Variants in ST14 observed in about 807,000 individuals in gnomAD.
ST14 encodes the protein ST14 transmembrane serine protease matriptase, also known as suppressor of tumorigenicity 14 protein.
Under a neutral mutation model 96.5 loss-of-function variants are expected in ST14, and 40 were observed. The ratio of observed to expected loss-of-function variants is 0.41; its 90% CI spans 0.32 to 0.54. The LOEUF is 0.54. ST14 is among the 20% of genes least tolerant of loss of function. The pLI, the probability that ST14 is intolerant of heterozygous loss-of-function variation, is 0.17. For synonymous variants in ST14, 506 were observed against 492.1 expected (o/e 1.03, Z -0.37); for missense variants, 1,066 against 1,188.9 (o/e 0.90, Z 1.52).
At position 130,190,742 on chromosome 11, in the gene ST14, C is replaced by T. The variant is rs765356855; in HGVS notation, c.875+48C>T. On this transcript the variant is annotated intron_variant, in intron 7 of 18. Coordinates refer to ENST00000278742, the MANE Select transcript of ST14 (RefSeq NM_021978.4). Reference sequence around the variant, plus strand: ...AGGGCTGTGGGAGCTTGGCGGCTGCCCTGTAGGGGGCCAGCTTCTTCAACG... The same window carrying T: ...AGGGCTGTGGGAGCTTGGCGGCTGCTCTGTAGGGGGCCAGCTTCTTCAACG... 9.2e-6 allele frequency: 14 copies of T among 1,524,516 alleles called. 1 individual carries two copies. The South Asian group carries it at 1.1e-4, about 12-fold the overall frequency. 94.4% of individuals were successfully genotyped at this position (1,524,516 alleles called of 1,614,324 possible). A position where few individuals can be genotyped will look rare whatever the true frequency, so the allele number is the denominator to read the frequency against.
intron 1 of ST14, among the ~76,000 whole-genome samples, chr11:130,171,948 T>C (rs1163193335): frequency 3.3e-5 from 5 of 152,202 alleles, no homozygotes; most frequent in African/African-American, 1.2e-4. Context: ...TGCCCTGGCC[T>C]GGGCAGTCTG....
intron 1 of ST14, among the ~76,000 whole-genome samples, chr11:130,182,897 A>C (rs941345219): frequency 7.7e-4 from 113 of 147,530 alleles, no homozygotes; most frequent in Non-Finnish European, 1.3e-3. Context: ...TGATCCACCC[A>C]CCTTGGCCTC....
At chr11:130,196,272 T>C (rs1226633523) in intron 9 of ST14, 67 bp from the exon 10 acceptor site, 1 of 1,312,254 alleles carries the variant, frequency 7.6e-7, no homozygotes, top group Admixed American at 2.0e-5. Context: ...CTGCCTCCCT[T>C]TGACGTCCTC....
chr11:130,194,374 C>T (rs1315557402), intron 8 of ST14, 86 bp downstream of exon 8: 74 of 1,564,942 alleles, frequency 4.7e-5, no homozygotes, highest in Non-Finnish European at 6.4e-5. Flanking sequence ...GCTTAGGAGG[C>T]CACAGGCTAG....
intron 1 of ST14, among the ~76,000 whole-genome samples, chr11:130,186,992 A>G (rs965233626): frequency 1.3e-5 from 2 of 152,200 alleles, no homozygotes; most frequent in Non-Finnish European, 2.9e-5. Context: ...GTAAGGCAGG[A>G]GTGAGGAGAA....
At chr11:130,173,562 C>G (rs1224300918) in intron 1 of ST14, among the ~76,000 whole-genome samples, 1 of 151,030 alleles carries the variant, frequency 6.6e-6, no homozygotes, top group Non-Finnish European at 1.5e-5. Context: ...TGCCACTGCA[C>G]TCCAGACTGC....
intron 1 of ST14, among the ~76,000 whole-genome samples, chr11:130,173,034 C>T (rs925404091): frequency 6.6e-6 from 1 of 152,130 alleles, no homozygotes; most frequent in Admixed American, 6.5e-5. Flanking sequence ...CGTCACCACG[C>T]GAGTGGTCAG....
chr11:130,208,036 C>CTT (rs1953506768), intron 16 of ST14, among the ~76,000 whole-genome samples: 1 of 151,870 alleles, frequency 6.6e-6, no homozygotes, highest in Admixed American at 6.6e-5. Flanking sequence ...ATGCCACCAC[C>CTT]GCACTCCAGT....
intron 1 of ST14, among the ~76,000 whole-genome samples, chr11:130,167,997 G>A (rs1430548983): frequency 2.6e-5 from 4 of 152,218 alleles, no homozygotes; most frequent in Non-Finnish European, 5.9e-5. Flanking sequence ...TTGCAGGCAT[G>A]AGCCACCGTG....
chr11:130,189,526 G>T, intron 4 of ST14: 1 of 626,374 alleles, frequency 1.6e-6, no homozygotes, highest in Non-Finnish European at 2.8e-6. Flanking sequence ...AATCGGTCTG[G>T]TTGGGGATGA....
Position 130,179,606 on chromosome 11 carries a change from C to G in ST14, c.82-8508C>G, listed in dbSNP as rs562941573. The stretch of plus-strand genomic sequence containing the variant: ...TCTGTGCACAGCTGCTGGAGCTTCC[C>G]CGGGGCTGCTGATTTAACTGGGGAG... On this transcript the variant is annotated intron_variant, in intron 1 of 18. Coordinates refer to ENST00000278742, the MANE Select transcript of ST14 (RefSeq NM_021978.4). Among the ~76,000 whole-genome samples the G allele has an allele frequency of 1.7e-4, 26 of 152,312 alleles. No homozygotes were observed. The East Asian group carries it at 5.0e-3, about 29-fold the overall frequency.
intron 7 of ST14, among the ~76,000 whole-genome samples, chr11:130,192,848 G>C (rs1953318291): frequency 6.6e-6 from 1 of 152,134 alleles, no homozygotes; most frequent in Admixed American, 6.5e-5. Context: ...GTTTTTATAA[G>C]GTTGCATTGT....
chr11:130,190,639 G>A lies in ST14; in HGVS notation c.820G>A (p.Asp274Asn), dbSNP rs747312471. 3 of 1,608,882 alleles carry A rather than the reference G, an allele frequency of 1.9e-6. No individual in the cohort carries two copies. Among genetic ancestry groups the A allele is most frequent in the South Asian group, 1.1e-5 (1 of 90,266 alleles). The change falls in exon 7 of 19, where the codon GAC becomes AAC. Residue 274 changes from aspartate (D) to asparagine (N), a missense_variant. Transcript: ENST00000278742. Reference sequence around the variant, plus strand: ...TGCGTCCTGCGACGAGCGCGGCAGCGACCTGGTGACGGTGTACAACACCCT... The same window carrying A: ...TGCGTCCTGCGACGAGCGCGGCAGCAACCTGGTGACGGTGTACAACACCCT... ...DLASCDERGS[D>N]LVTVYNTLSP...
intron 16 of ST14, among the ~76,000 whole-genome samples, chr11:130,201,198 C>T (rs1014387520): frequency 6.6e-6 from 1 of 152,268 alleles, no homozygotes; most frequent in African/African-American, 2.4e-5. Context: ...CCGGGCTGCG[C>T]TATTTGTGTC....
intron 13 of ST14, 27 bp from the exon 14 acceptor site, chr11:130,198,481 G>A: frequency 6.2e-7 from 1 of 1,613,430 alleles, no homozygotes; most frequent in Non-Finnish European, 8.5e-7. Context: ...GGTGGCTCCT[G>A]GTGGCTGAGT....
intron 1 of ST14, among the ~76,000 whole-genome samples, chr11:130,162,150 G>A (rs1246254285): frequency 1.3e-5 from 2 of 152,148 alleles, no homozygotes; most frequent in African/African-American, 4.8e-5. Flanking sequence ...GCATCCATCC[G>A]TGCACCCTTG....
At chr11:130,164,784 C>G (rs1347442242) in intron 1 of ST14, among the ~76,000 whole-genome samples, 2 of 151,130 alleles carry the variant, frequency 1.3e-5, no homozygotes. Flanking sequence ...TTTTGCCCAG[C>G]TGGAGTGCAA....
chr11:130,200,507 A>G (rs1953416868), intron 16 of ST14, among the ~76,000 whole-genome samples: 1 of 151,992 alleles, frequency 6.6e-6, no homozygotes, highest in Non-Finnish European at 1.5e-5. Flanking sequence ...TGAACTCAGA[A>G]CTCACCCATC....
intron 1 of ST14, among the ~76,000 whole-genome samples, chr11:130,180,957 C>T (rs1049495646): frequency 9.2e-5 from 14 of 152,292 alleles, no homozygotes; most frequent in East Asian, 1.9e-4. Flanking sequence ...TTCCCCTTCC[C>T]GGGTTTCTGG....
Sources: gnomAD v4.1 joint callset for allele counts (sites outside exome capture counted in the v4.1 genomes callset) on GRCh38, gnomAD v4.1.1 for gene constraint, MANE v1.5 for transcripts, NCBI Gene and HGNC (gene_info 2026-07-23, HGNC 2026-07-21) for gene names.